Variants in NR3C2 observed in about 807,000 individuals in gnomAD.
The protein encoded by NR3C2 is nuclear receptor subfamily 3 group C member 2.
Under a neutral mutation model 86.4 loss-of-function variants are expected in NR3C2, and 15 were observed. The ratio of observed to expected loss-of-function variants is 0.17; its 90% CI spans 0.12 to 0.27. The LOEUF is 0.27. Ranked by LOEUF, NR3C2 falls within the 10% of genes least tolerant of loss-of-function variation. The pLI, the probability that NR3C2 is intolerant of heterozygous loss-of-function variation, is 1.00. For missense variants in NR3C2, 960 were observed against 1,195.6 expected, an observed-to-expected ratio of 0.80 and a Z score of 2.91; for synonymous variants, 458 against 450.5, an observed-to-expected ratio of 1.02 and a Z score of -0.21.
intron 3 of NR3C2, among the ~76,000 whole-genome samples, chr4:148,244,346 T>C (rs573538589): frequency 1.3e-5 from 2 of 152,160 alleles, no homozygotes; most frequent in African/African-American, 4.8e-5. Context: ...AAACTTCAAT[T>C]TAAAATTGTT....
At chr4:148,204,834 C>T (rs536722436) in intron 3 of NR3C2, among the ~76,000 whole-genome samples, 1 of 152,294 alleles carries the variant, frequency 6.6e-6, no homozygotes, top group Non-Finnish European at 1.5e-5. Flanking sequence ...GCCAAATTTA[C>T]ATACTGCCTG....
rs61729559 is a variant in NR3C2, at chr4:148,435,769, C to T, written c.1092G>A (p.Thr364=). The change falls in exon 2 of 9, where the codon ACG becomes ACA. Residue 364 remains threonine, a synonymous_variant. Transcript: ENST00000358102. ...GGACCTCTTGAGCACCTTTCTCCTG[C>T]GTGTCTGGACTGGGAACCACATCCC... ...TLRDVVPSPD[T]QEKGAQEVPF... The T allele has an allele frequency of 1.6e-3, 2,534 of 1,614,102 alleles. 31 individuals carry two copies. The African/African-American group carries it at 0.029, about 19-fold the overall frequency.
chr4:148,398,826 C>G (rs935891528), intron 2 of NR3C2, among the ~76,000 whole-genome samples: 1 of 151,882 alleles, frequency 6.6e-6, no homozygotes, highest in Non-Finnish European at 1.5e-5. Context: ...AAAGAAGTAC[C>G]CTGGGTAGTG....
At chr4:148,334,498 C>T (rs540210376) in intron 2 of NR3C2, among the ~76,000 whole-genome samples, 13 of 152,214 alleles carry the variant, frequency 8.5e-5, no homozygotes, top group Admixed American at 2.0e-4. Context: ...GCGGAGATCG[C>T]GCCACTGCAC....
intron 2 of NR3C2, among the ~76,000 whole-genome samples, chr4:148,431,635 G>A (rs1003592404): frequency 8.6e-5 from 13 of 151,986 alleles, no homozygotes; most frequent in Non-Finnish European, 1.5e-4. Context: ...GATGACTTTC[G>A]TCACCACTCT....
intron 8 of NR3C2, among the ~76,000 whole-genome samples, chr4:148,101,276 A>G (rs535496812): frequency 5.3e-5 from 8 of 152,202 alleles, no homozygotes; most frequent in Middle Eastern, 3.2e-3. Context: ...CTGGCTGTTG[A>G]CCAACTGTTG....
At chr4:148,413,406 A>T (rs878152) in intron 2 of NR3C2, among the ~76,000 whole-genome samples, 2 of 152,042 alleles carry the variant, frequency 1.3e-5, no homozygotes, top group Non-Finnish European at 2.9e-5. Context: ...ACATTGAAAA[A>T]TGCCTTCATG....
At chr4:148,244,081 C>G (rs1271695353) in intron 3 of NR3C2, among the ~76,000 whole-genome samples, 3 of 152,190 alleles carry the variant, frequency 2.0e-5, no homozygotes, top group Admixed American at 2.0e-4. Context: ...TGGCAGTTAA[C>G]TCCTGACAAA....
chr4:148,274,474 G>A (rs1159272762), intron 2 of NR3C2, among the ~76,000 whole-genome samples: 1 of 152,088 alleles, frequency 6.6e-6, no homozygotes, highest in Non-Finnish European at 1.5e-5. Context: ...TGTACCCTAT[G>A]CTGTTCTGAT....
chr4:148,429,553 C>A (rs1173517087), intron 2 of NR3C2, among the ~76,000 whole-genome samples: 1 of 152,198 alleles, frequency 6.6e-6, no homozygotes, highest in Non-Finnish European at 1.5e-5. Context: ...CACTAACAAT[C>A]ATAAATCCAG....
chr4:148,320,058 C>G (rs965345025), intron 2 of NR3C2, among the ~76,000 whole-genome samples: 1 of 130,992 alleles, frequency 7.6e-6, no homozygotes, highest in Non-Finnish European at 1.6e-5. Context: ...CCCATCATTA[C>G]CTAATTTATT....
At chr4:148,227,246 A>C (rs979160547) in intron 3 of NR3C2, among the ~76,000 whole-genome samples, 17 of 152,210 alleles carry the variant, frequency 1.1e-4, no homozygotes, top group African/African-American at 4.1e-4. Context: ...CATTCCGTAG[A>C]ATGTTTTTGA....
chr4:148,243,473 G>A (rs551578056), intron 3 of NR3C2, among the ~76,000 whole-genome samples: 3 of 152,082 alleles, frequency 2.0e-5, no homozygotes, highest in Non-Finnish European at 2.9e-5. Context: ...TTTTTAAAAG[G>A]CTTTCCAATA....
intron 2 of NR3C2, among the ~76,000 whole-genome samples, chr4:148,334,787 TTCTC>T (rs1159405869): frequency 2.6e-5 from 4 of 152,222 alleles, no homozygotes; most frequent in African/African-American, 4.8e-5. Flanking sequence ...GGAGAATTTA[TTCTC>T]TCTACTTTAG....
At position 148,184,035 on chromosome 4, in the gene NR3C2, T is replaced by C. The variant is rs373189506; in HGVS notation, c.2014+10711A>G. 1.9e-3 allele frequency among the ~76,000 whole-genome samples: 282 copies of C among 152,188 alleles called. 5 individuals carry two copies. The South Asian group carries it at 0.047, about 25-fold the overall frequency. Reference sequence around the variant, plus strand: ...AGGGACACTGATAAACACCCTACTATGCACAGGACAGTCCTCTACAACAAG... The same window carrying C: ...AGGGACACTGATAAACACCCTACTACGCACAGGACAGTCCTCTACAACAAG... On this transcript the variant is annotated intron_variant, in intron 4 of 8. Transcript: ENST00000358102.
intron 6 of NR3C2, among the ~76,000 whole-genome samples, chr4:148,132,534 C>G (rs1309625120): frequency 6.6e-6 from 1 of 152,226 alleles, no homozygotes; most frequent in East Asian, 1.9e-4. Context: ...GAAGAGCCTA[C>G]TACCAGAGGC....
intron 2 of NR3C2, among the ~76,000 whole-genome samples, chr4:148,282,870 G>C (rs1407507322): frequency 6.6e-6 from 1 of 152,186 alleles, no homozygotes; most frequent in Non-Finnish European, 1.5e-5. Flanking sequence ...TCAATAGGCA[G>C]AGTGGGCCTT....
intron 2 of NR3C2, among the ~76,000 whole-genome samples, chr4:148,420,127 C>A (rs1394005174): frequency 6.6e-6 from 1 of 152,144 alleles, no homozygotes; most frequent in Non-Finnish European, 1.5e-5. Flanking sequence ...CAAGCCAGAT[C>A]AATCAGAATC....
chr4:148,120,349 C>T, intron 6 of NR3C2, 61 bp from the exon 7 acceptor site: 1 of 1,599,994 alleles, frequency 6.3e-7, no homozygotes. Flanking sequence ...CCCAGACTGG[C>T]AGCCTGAGGC....
Sources: gnomAD v4.1 joint callset for allele counts (sites outside exome capture counted in the v4.1 genomes callset) on GRCh38, gnomAD v4.1.1 for gene constraint, MANE v1.5 for transcripts, NCBI Gene and HGNC (gene_info 2026-07-23, HGNC 2026-07-21) for gene names.